UQCC6: variants seen among roughly 807,000 people sequenced by gnomAD.
The protein encoded by UQCC6 is protein BRAWNIN.
the UQCC6 span, among the ~76,000 whole-genome samples, chr12:103,962,868 G>C: frequency 6.6e-6 from 1 of 152,172 alleles, no homozygotes; most frequent in Non-Finnish European, 1.5e-5. Context: ...TTTATTTCCT[G>C]GGTGAAGCCA....
At chr12:103,953,595 A>G in the UQCC6 span, 1 of 702,248 alleles carries the variant, frequency 1.4e-6, no homozygotes, top group East Asian at 2.7e-5. Context: ...ACCAAAAGAC[A>G]TAGGTAAAGA....
At chr12:103,952,750 T>C in the UQCC6 span, among the ~76,000 whole-genome samples, 3 of 152,264 alleles carry the variant, frequency 2.0e-5, no homozygotes, top group African/African-American at 7.2e-5. Flanking sequence ...TTGATTTGCC[T>C]TTCTCTGGTG....
the UQCC6 span, chr12:103,957,187 G>A: frequency 2.0e-5 from 3 of 153,684 alleles, no homozygotes; most frequent in Non-Finnish European, 4.3e-5. Flanking sequence ...CGGACGGAGC[G>A]GACGGCGAGC....
the UQCC6 span, among the ~76,000 whole-genome samples, chr12:103,964,875 C>T: frequency 6.6e-6 from 1 of 152,132 alleles, no homozygotes; most frequent in Non-Finnish European, 1.5e-5. Context: ...AAACTTTAAA[C>T]AGTTGATATA....
the UQCC6 span, among the ~76,000 whole-genome samples, chr12:103,955,214 G>A: frequency 6.0e-4 from 92 of 152,284 alleles, no homozygotes; most frequent in Non-Finnish European, 1.0e-3. Context: ...CTACTCAGGA[G>A]GCTGAAGCAT....
At chr12:103,953,371 T>G in the UQCC6 span, 3 of 702,052 alleles carry the variant, frequency 4.3e-6, no homozygotes, top group Middle Eastern at 2.3e-4. Context: ...CAGAGTCATC[T>G]CCTTTGCTAT....
At chr12:103,962,285 TAAGAG>T in the UQCC6 span, among the ~76,000 whole-genome samples, 5 of 152,346 alleles carry the variant, frequency 3.3e-5, no homozygotes, top group African/African-American at 1.2e-4. Flanking sequence ...ATTAATTTTT[TAAGAG>T]AAGTTTTTAA....
At chr12:103,954,841 T>C in the UQCC6 span, 23 of 665,396 alleles carry the variant, frequency 3.5e-5, no homozygotes, top group Non-Finnish European at 5.4e-5. Flanking sequence ...GAGTATTGGA[T>C]TATTTTATGA....
the UQCC6 span, chr12:103,957,092 A>T: frequency 3.5e-6 from 1 of 286,766 alleles, no homozygotes; most frequent in Non-Finnish European, 6.8e-6. Context: ...GGAACTGTGG[A>T]CTTCACTCCT....
At chr12:103,951,336 T>C in the UQCC6 span, 1 of 477,608 alleles carries the variant, frequency 2.1e-6, no homozygotes, top group Non-Finnish European at 3.7e-6. Flanking sequence ...TGATGATATG[T>C]GCTTTGGCAG....
At chr12:103,958,140 C>G in the UQCC6 span, among the ~76,000 whole-genome samples, 1 of 149,214 alleles carries the variant, frequency 6.7e-6, no homozygotes, top group African/African-American at 2.5e-5. Flanking sequence ...CGCTTGAACC[C>G]AGGAGATGGA....
At chr12:103,962,487 A>G in the UQCC6 span, among the ~76,000 whole-genome samples, 1 of 152,208 alleles carries the variant, frequency 6.6e-6, no homozygotes, top group East Asian at 1.9e-4. Flanking sequence ...TTGACTCCCA[A>G]GGTGGAGCTT....
chr12:103,959,707 G>A, the UQCC6 span, among the ~76,000 whole-genome samples: 2 of 151,360 alleles, frequency 1.3e-5, no homozygotes, highest in African/African-American at 4.8e-5. Flanking sequence ...GCAAGAGTCC[G>A]TCTCAAAAAA....
the UQCC6 span, chr12:103,953,660 C>G: frequency 1.5e-6 from 1 of 677,804 alleles, no homozygotes; most frequent in East Asian, 2.7e-5. Context: ...GCCACCTGGG[C>G]CTTCAAGTTC....
At chr12:103,965,478 T>G in the UQCC6 span, 1 of 152,508 alleles carries the variant, frequency 6.6e-6, no homozygotes, top group African/African-American at 2.4e-5. Context: ...GACGCCCAGG[T>G]TTTCCACTTT....
the UQCC6 span, among the ~76,000 whole-genome samples, chr12:103,958,215 CAAA>C: frequency 5.5e-5 from 6 of 108,474 alleles, no homozygotes; most frequent in East Asian, 4.8e-4. Flanking sequence ...GACTCCGTCT[CAAA>C]AAAAAAAAAA....
At chr12:103,962,827 C>CT in the UQCC6 span, among the ~76,000 whole-genome samples, 2 of 152,234 alleles carry the variant, frequency 1.3e-5, no homozygotes, top group African/African-American at 4.8e-5. Flanking sequence ...ACACTGCTGC[C>CT]TGAATAAAAC....
the UQCC6 span, among the ~76,000 whole-genome samples, chr12:103,957,611 C>G: frequency 2.0e-5 from 3 of 152,012 alleles, no homozygotes; most frequent in Non-Finnish European, 4.4e-5. Flanking sequence ...CTTTTGATAC[C>G]CGAAATAGAG....
At chr12:103,951,358 T>C in the UQCC6 span, 2 of 497,448 alleles carry the variant, frequency 4.0e-6, no homozygotes, top group Non-Finnish European at 3.6e-6. Flanking sequence ...TTTCAAGAAA[T>C]ATCAATCAAA....
Sources: allele counts gnomAD v4.1 joint callset (sites outside exome capture counted in the v4.1 genomes callset), GRCh38; gene constraint gnomAD v4.1.1; transcripts MANE v1.5; gene names NCBI Gene and HGNC (gene_info 2026-07-23, HGNC 2026-07-21).